Variants in GNAQ observed in about 807,000 individuals in gnomAD.
The protein encoded by GNAQ is G protein subunit alpha q, also known as guanine nucleotide-binding protein G(q) subunit alpha.
Under a neutral mutation model 43.9 loss-of-function variants are expected in GNAQ, and 8 were observed. The ratio of observed to expected loss-of-function variants is 0.18; its 90% CI spans 0.11 to 0.33. The LOEUF is 0.33. Among genes scored for constraint, GNAQ ranks in the 10% least tolerant of loss-of-function variants. The probability of loss-of-function intolerance (pLI) is 1.00; values close to 1 mark genes in which losing one functional copy is unlikely to be tolerated. For missense variants in GNAQ, 158 were observed against 450.8 expected (o/e 0.35, Z 5.88); for synonymous variants, 155 against 170.7 (o/e 0.91, Z 0.71).
At chr9:77,995,526 T>C (rs1823557905) in intron 1 of GNAQ, among the ~76,000 whole-genome samples, 1 of 152,104 alleles carries the variant, frequency 6.6e-6, no homozygotes, top group Non-Finnish European at 1.5e-5. Flanking sequence ...CAGGGTGTCA[T>C]GTTGCCCAGG....
chr9:77,906,344 A>T (rs1425593425), intron 2 of GNAQ, among the ~76,000 whole-genome samples: 1 of 152,224 alleles, frequency 6.6e-6, no homozygotes, highest in African/African-American at 2.4e-5. Flanking sequence ...AACACTAATA[A>T]AACTGAGTTG....
chr9:77,882,890 C>A (rs1038640206), intron 2 of GNAQ, among the ~76,000 whole-genome samples: 1 of 152,078 alleles, frequency 6.6e-6, no homozygotes, highest in African/African-American at 2.4e-5. Context: ...GGGAAACTAT[C>A]TGAGCATTTA....
At chr9:77,908,771 G>A (rs886275563) in intron 2 of GNAQ, among the ~76,000 whole-genome samples, 1 of 152,194 alleles carries the variant, frequency 6.6e-6, no homozygotes, top group Non-Finnish European at 1.5e-5. Context: ...CAGAGAGTCA[G>A]TTACTTCCAA....
chr9:77,811,034 T>C (rs540174731), intron 3 of GNAQ, among the ~76,000 whole-genome samples: 10 of 152,152 alleles, frequency 6.6e-5, no homozygotes, highest in African/African-American at 2.4e-4. Flanking sequence ...TCACAACCAC[T>C]AGAGTTGTGG....
At chr9:78,023,202 T>G (rs1160971437) in intron 1 of GNAQ, among the ~76,000 whole-genome samples, 1 of 152,232 alleles carries the variant, frequency 6.6e-6, no homozygotes, top group African/African-American at 2.4e-5. Context: ...AACAATTTAT[T>G]TTTGCTTTAC....
intron 1 of GNAQ, among the ~76,000 whole-genome samples, chr9:77,928,384 G>A (rs1201116616): frequency 6.6e-6 from 1 of 152,168 alleles, no homozygotes; most frequent in Admixed American, 6.5e-5. Context: ...GAACAGAACT[G>A]AATTTAGTAT....
chr9:78,000,242 G>A (rs1823627217), intron 1 of GNAQ, among the ~76,000 whole-genome samples: 1 of 152,142 alleles, frequency 6.6e-6, no homozygotes, highest in Non-Finnish European at 1.5e-5. Context: ...ATGTAGAGCG[G>A]TGAAAAATAG....
At chr9:77,845,067 C>G (rs1443715988) in intron 2 of GNAQ, among the ~76,000 whole-genome samples, 1 of 152,106 alleles carries the variant, frequency 6.6e-6, no homozygotes, top group Non-Finnish European at 1.5e-5. Flanking sequence ...CTGCAAAGTA[C>G]TACTCTAACA....
intron 5 of GNAQ, among the ~76,000 whole-genome samples, chr9:77,733,289 A>G (rs1041529973): frequency 6.6e-6 from 1 of 152,142 alleles, no homozygotes; most frequent in East Asian, 1.9e-4. Context: ...TCTCAAATCA[A>G]TTCTCAAGAT....
chr9:78,002,840 T>C (rs17787178), intron 1 of GNAQ, among the ~76,000 whole-genome samples: 61,889 of 152,042 alleles, frequency 0.41, 13,267 homozygotes, highest in Admixed American at 0.49. Context: ...AACTACCTTT[T>C]CTCCCCACCT....
At chr9:77,940,686 G>A (rs536271216) in intron 1 of GNAQ, among the ~76,000 whole-genome samples, 2 of 152,216 alleles carry the variant, frequency 1.3e-5, no homozygotes, top group East Asian at 1.9e-4. Flanking sequence ...TTTGCAAGTC[G>A]GCTGCGCGCG....
intron 5 of GNAQ, among the ~76,000 whole-genome samples, chr9:77,779,770 G>A (rs1826362925): frequency 6.7e-6 from 1 of 149,160 alleles, no homozygotes; most frequent in Non-Finnish European, 1.5e-5. Context: ...ACGTTAAAAG[G>A]ACAATCAAGG....
intron 5 of GNAQ, among the ~76,000 whole-genome samples, chr9:77,771,985 C>T (rs1450994819): frequency 2.6e-5 from 4 of 152,146 alleles, no homozygotes; most frequent in Non-Finnish European, 5.9e-5. Flanking sequence ...TCTGCATTCA[C>T]CCTTCCGCCC....
intron 1 of GNAQ, chr9:78,030,745 T>C: frequency 2.7e-6 from 1 of 370,572 alleles, no homozygotes; most frequent in South Asian, 2.1e-5. Context: ...TGCCCACCTT[T>C]CCACCCCCGC....
intron 5 of GNAQ, among the ~76,000 whole-genome samples, chr9:77,748,874 G>A (rs369641024): frequency 2.0e-5 from 3 of 152,130 alleles, no homozygotes; most frequent in Non-Finnish European, 4.4e-5. Flanking sequence ...ATGTTGTATC[G>A]GACTGGTCCT....
At chr9:77,989,407 T>G (rs1372453368) in intron 1 of GNAQ, among the ~76,000 whole-genome samples, 2 of 152,100 alleles carry the variant, frequency 1.3e-5, no homozygotes, top group Non-Finnish European at 2.9e-5. Flanking sequence ...AAGTCCAAAT[T>G]CCCTAGTGAC....
chr9:77,876,632 G>A (rs946771460), intron 2 of GNAQ, among the ~76,000 whole-genome samples: 1 of 152,176 alleles, frequency 6.6e-6, no homozygotes, highest in Non-Finnish European at 1.5e-5. Flanking sequence ...TTGCTTCCTA[G>A]GTGCCAGGCA....
intron 1 of GNAQ, among the ~76,000 whole-genome samples, chr9:78,006,457 G>A (rs1823707362): frequency 6.6e-6 from 1 of 152,104 alleles, no homozygotes; most frequent in Non-Finnish European, 1.5e-5. Context: ...CAGGCAATAA[G>A]AAGTAAACCT....
At chr9:77,812,887 A>T (rs1826950090) in intron 3 of GNAQ, among the ~76,000 whole-genome samples, 1 of 151,780 alleles carries the variant, frequency 6.6e-6, no homozygotes, top group African/African-American at 2.4e-5. Flanking sequence ...CATATATATA[A>T]GAATAATTTA....
Sources: gnomAD v4.1 joint callset for allele counts (sites outside exome capture counted in the v4.1 genomes callset) on GRCh38, gnomAD v4.1.1 for gene constraint, MANE v1.5 for transcripts, NCBI Gene and HGNC (gene_info 2026-07-23, HGNC 2026-07-21) for gene names.